Variants in SRGAP1 observed in about 807,000 individuals in gnomAD.
SRGAP1 encodes the protein SLIT-ROBO Rho GTPase activating protein 1, also known as SLIT-ROBO Rho GTPase-activating protein 1.
Under a neutral mutation model 121.9 loss-of-function variants are expected in SRGAP1, and 43 were observed. That is an observed-to-expected ratio of 0.35 (90% confidence interval 0.28 to 0.46). SRGAP1 has a LOEUF of 0.46. Among genes scored for constraint, SRGAP1 ranks in the 20% least tolerant of loss-of-function variants. SRGAP1 has a pLI of 1.00. For missense variants in SRGAP1, 1,102 were observed against 1,350.9 expected (o/e 0.82, Z 2.89); for synonymous variants, 447 against 485.4 (o/e 0.92, Z 1.04).
At chr12:63,870,795 A>G (rs1174437111) in intron 1 of SRGAP1, among the ~76,000 whole-genome samples, 1 of 152,108 alleles carries the variant, frequency 6.6e-6, no homozygotes, top group Admixed American at 6.6e-5. Context: ...CCTGCCTCAC[A>G]ATATTCCTCC....
chr12:63,885,399 T>C (rs539138162), intron 1 of SRGAP1, among the ~76,000 whole-genome samples: 11 of 152,190 alleles, frequency 7.2e-5, no homozygotes, highest in Non-Finnish European at 1.5e-4. Context: ...ATGCCTTCCC[T>C]GGGCACCACG....
rs34999662 is a variant in SRGAP1 at position 64,026,086 on chromosome 12, T to TA, written c.489+9084dup. The stretch of plus-strand genomic sequence containing the variant: ...ATACCACAAGTAAGGCTGTCTTCTT[T>TA]AAAAAAAAAAGTGAGCCATATGAAC... On this transcript the variant is annotated intron_variant, in intron 4 of 21. Transcript: ENST00000355086. 4.2e-4 allele frequency among the ~76,000 whole-genome samples: 62 copies of TA among 148,474 alleles called. No homozygotes were observed. In the East Asian group the frequency reaches 7.2e-3, roughly 17 times the overall value.
intron 11 of SRGAP1, among the ~76,000 whole-genome samples, chr12:64,090,597 T>C (rs905631694): frequency 6.6e-6 from 1 of 152,214 alleles, no homozygotes; most frequent in Non-Finnish European, 1.5e-5. Context: ...TCCAGCACTT[T>C]GGGAGGCCAA....
intron 1 of SRGAP1, among the ~76,000 whole-genome samples, chr12:63,875,434 A>G (rs1022229333): frequency 6.6e-6 from 1 of 152,198 alleles, no homozygotes; most frequent in Non-Finnish European, 1.5e-5. Flanking sequence ...TGTTCTTATG[A>G]ATGCTGAAAT....
chr12:63,985,213 T>C (rs1354283562), intron 2 of SRGAP1, among the ~76,000 whole-genome samples: 1 of 151,868 alleles, frequency 6.6e-6, no homozygotes, highest in Non-Finnish European at 1.5e-5. Flanking sequence ...GACTAGTTGG[T>C]CAATAAAGGA....
At chr12:64,056,966 A>T (rs565796649) in intron 6 of SRGAP1, among the ~76,000 whole-genome samples, 44 of 152,196 alleles carry the variant, frequency 2.9e-4, no homozygotes, top group African/African-American at 1.1e-3. Flanking sequence ...TCTGGCCTGT[A>T]TTTAATTGGG....
intron 19 of SRGAP1, 107 bp downstream of exon 19, chr12:64,126,264 A>C: frequency 3.9e-6 from 5 of 1,279,388 alleles, no homozygotes; most frequent in Non-Finnish European, 5.3e-6. Context: ...GGGATTACAG[A>C]GATAAAACTT....
chr12:63,963,462 T>C (rs1419074108), intron 1 of SRGAP1, among the ~76,000 whole-genome samples: 1 of 152,228 alleles, frequency 6.6e-6, no homozygotes, highest in Non-Finnish European at 1.5e-5. Context: ...TATTTTGATA[T>C]GTGTGTACAA....
intron 15 of SRGAP1, 69 bp downstream of exon 15, chr12:64,097,444 G>A: frequency 6.4e-7 from 1 of 1,557,106 alleles, no homozygotes; most frequent in Non-Finnish European, 8.7e-7. Flanking sequence ...GGAAAAGGCA[G>A]TGGCCCCCCT....
rs575955535 is a variant in SRGAP1 at position 64,116,863 on chromosome 12, G to T, written c.2224+970G>T. Among the ~76,000 whole-genome samples the T allele has an allele frequency of 3.3e-5, 5 of 152,294 alleles. No homozygotes were observed. In the South Asian group the frequency reaches 1.0e-3, roughly 32 times the overall value. ...AGAGAAGGGGGCATGCCATGCTATG[G>T]GAAGCTACCTGGGGAAGCATCAGGA... is the stretch of plus-strand genomic sequence containing the variant. On this transcript the variant is annotated intron_variant, in intron 18 of 21. Coordinates refer to ENST00000355086, the MANE Select transcript of SRGAP1 (RefSeq NM_020762.4).
chr12:63,861,465 A>G (rs6581509), intron 1 of SRGAP1, among the ~76,000 whole-genome samples: 42,701 of 150,440 alleles, frequency 0.28, 6,949 homozygotes, highest in East Asian at 0.56. Flanking sequence ...ATACCCACCA[A>G]TTTTAGTATT....
chr12:63,869,665 T>C lies in SRGAP1; in HGVS notation c.67+24782T>C, dbSNP rs555463842. ...CTTTATAATTTGATTGTCTCCTTAA[T>C]GGTGACTCAGAAGAAAGCTTGGGTT... is the stretch of plus-strand genomic sequence containing the variant. On this transcript the variant is annotated intron_variant, in intron 1 of 21. Transcript: ENST00000355086. Among the ~76,000 whole-genome samples, 5 of 152,350 alleles carry C rather than the reference T, an allele frequency of 3.3e-5. No homozygotes were observed. In the East Asian group the frequency reaches 9.6e-4, roughly 29 times the overall value.
At chr12:64,038,016 A>G (rs1350886436) in intron 4 of SRGAP1, among the ~76,000 whole-genome samples, 1 of 152,230 alleles carries the variant, frequency 6.6e-6, no homozygotes, top group East Asian at 1.9e-4. Context: ...ATGGCGTAGC[A>G]GTCCCAAACA....
chr12:64,087,184 C>A (rs2035962354), intron 11 of SRGAP1, among the ~76,000 whole-genome samples, 158 bp downstream of exon 11: 1 of 152,150 alleles, frequency 6.6e-6, no homozygotes, highest in Non-Finnish European at 1.5e-5. Context: ...GGGCTTCTTA[C>A]AAGACTAGGT....
chr12:64,043,361 G>A (rs1317706757), intron 5 of SRGAP1, 86 bp from the exon 6 acceptor site: 4 of 1,315,620 alleles, frequency 3.0e-6, no homozygotes, highest in East Asian at 4.7e-5. Context: ...AATTGTTAAG[G>A]TTAATAAAAA....
intron 3 of SRGAP1, among the ~76,000 whole-genome samples, chr12:64,003,724 C>G (rs2033987797): frequency 6.6e-6 from 1 of 151,910 alleles, no homozygotes; most frequent in South Asian, 2.1e-4. Context: ...AAATGTCTAA[C>G]ATTTGTGTCA....
At chr12:63,985,865 C>G (rs1405290700) in intron 2 of SRGAP1, among the ~76,000 whole-genome samples, 1 of 152,292 alleles carries the variant, frequency 6.6e-6, no homozygotes, top group African/African-American at 2.4e-5. Context: ...GGCTGCTCAG[C>G]CTGGGCTCCT....
rs1303898428 is a variant in SRGAP1 at position 64,154,784 on chromosome 12, C to G, written c.*12112C>G. On this transcript the variant is annotated 3_prime_UTR_variant, in exon 22 of 22. Coordinates refer to ENST00000355086, the MANE Select transcript of SRGAP1 (RefSeq NM_020762.4). ...AAATTTGATATTTAAAGCTATGGGACTCCCGGAAAGAGAAAGAGAAAGGAA... is the reference window on the plus strand; with the variant it reads ...AAATTTGATATTTAAAGCTATGGGAGTCCCGGAAAGAGAAAGAGAAAGGAA... 4 of 151,986 alleles carry G rather than the reference C, an allele frequency of 2.6e-5. No individual in the cohort carries two copies. The highest frequency in any genetic ancestry group is 6.6e-5 in the Admixed American group (1 of 15,258). 9.4% of individuals were successfully genotyped at this position (151,986 alleles called of 1,614,324 possible). A position where few individuals can be genotyped will look rare whatever the true frequency, so the allele number is the denominator to read the frequency against.
intron 1 of SRGAP1, among the ~76,000 whole-genome samples, chr12:63,885,201 A>G (rs553918846): frequency 6.6e-5 from 10 of 152,272 alleles, no homozygotes; most frequent in Admixed American, 3.3e-4. Context: ...CCAGGCCTCC[A>G]GAACCTCTGA....
Sources: gnomAD v4.1 joint callset for allele counts (sites outside exome capture counted in the v4.1 genomes callset) on GRCh38, gnomAD v4.1.1 for gene constraint, MANE v1.5 for transcripts, NCBI Gene and HGNC (gene_info 2026-07-23, HGNC 2026-07-21) for gene names.